The following IGFALS variants were observed in gnomAD, a reference collection of about 807,000 sequenced individuals.
The protein encoded by IGFALS is insulin like growth factor binding protein acid labile subunit.
In IGFALS, 2 loss-of-function variants were observed where a neutral mutation model predicts 2.6. The observed-to-expected ratio is 0.77, with a 90% CI of 0.32 to 2.44. The LOEUF (loss-of-function observed/expected upper bound fraction) is 2.44, where lower values mean the gene tolerates loss of function less well. Ranked by LOEUF, IGFALS falls within the 30% of genes most tolerant of loss-of-function variation. The pLI, the probability that IGFALS is intolerant of heterozygous loss-of-function variation, is 0.11. For missense variants in IGFALS, 996 were observed against 848.7 expected (o/e 1.17, Z -2.16); for synonymous variants, 519 against 431.9 (o/e 1.20, Z -2.50).
At chr16:1,793,478 G>A (rs368463517) in intron 1 of IGFALS, among the ~76,000 whole-genome samples, 159 bp downstream of exon 1, 31 of 152,194 alleles carry the variant, frequency 2.0e-4, no homozygotes, top group African/African-American at 7.0e-4. Context: ...AACCCCAGCA[G>A]CCGCATTTCC....
chr16:1,792,420 G>T lies in IGFALS; in HGVS notation c.17-19C>A. The stretch of plus-strand genomic sequence containing the variant: ...AGGCCTCCTGCGGGGGGAGAGGCTT[G>T]GGGAGGCGGCCCGAGGAGGGCTCTG... On this transcript the variant is annotated intron_variant, in intron 1 of 1. Coordinates refer to ENST00000215539, the MANE Select transcript of IGFALS (RefSeq NM_004970.3). 1 of 1,534,674 alleles carries T rather than the reference G, an allele frequency of 6.5e-7. No homozygotes were observed. The highest frequency in any genetic ancestry group is 2.3e-5 in the East Asian group (1 of 43,880).
Position 1,790,518 on chromosome 16 carries a change from CCT to C in IGFALS, c.*80_*81del. 8.2e-7 allele frequency: 1 copy of C among 1,226,614 alleles called. No homozygotes were observed. The highest frequency in any genetic ancestry group is 1.5e-5 in the African/African-American group (1 of 66,790). 76.0% of individuals were successfully genotyped at this position (1,226,614 alleles called of 1,614,324 possible). On this transcript the variant is annotated 3_prime_UTR_variant, in exon 2 of 2. Transcript: ENST00000215539. ...TTCCAGCAAGTGCACTGGGCAGGCC[CCT>C]GAGGACACTGAGGACCTGTCCCCAG...
chr16:1,793,392 G>C (rs1897273722), intron 1 of IGFALS, among the ~76,000 whole-genome samples: 1 of 152,082 alleles, frequency 6.6e-6, no homozygotes, highest in Non-Finnish European at 1.5e-5. Context: ...CTCCTCCCCT[G>C]TGCCGCCGCC....
Position 1,790,502 on chromosome 16 carries a change from G to T in IGFALS, c.*98C>A. The stretch of plus-strand genomic sequence containing the variant: ...ATCAGGCCCTTGCGTCTTCCAGCAA[G>T]TGCACTGGGCAGGCCCCTGAGGACA... On this transcript the variant is annotated 3_prime_UTR_variant, in exon 2 of 2. Coordinates refer to ENST00000215539, the MANE Select transcript of IGFALS (RefSeq NM_004970.3). 9.4e-7 allele frequency: 1 copy of T among 1,061,584 alleles called. No homozygotes were observed. The highest frequency in any genetic ancestry group is 1.4e-6 in the Non-Finnish European group (1 of 710,998). 65.8% of individuals were successfully genotyped at this position (1,061,584 alleles called of 1,614,324 possible). A position where few individuals can be genotyped will look rare whatever the true frequency, so the allele number is the denominator to read the frequency against.
At position 1,790,910 on chromosome 16, in the gene IGFALS, GC is replaced by G; in HGVS notation, c.1507del (p.Ala503HisfsTer166). The G allele has an allele frequency of 6.3e-7, 1 of 1,585,824 alleles. No homozygotes were observed. The highest frequency in any genetic ancestry group is 1.1e-5 in the South Asian group (1 of 88,766). On this transcript the variant is annotated frameshift_variant, in exon 2 of 2. Coordinates refer to ENST00000215539, the MANE Select transcript of IGFALS (RefSeq NM_004970.3). LOFTEE classifies it low-confidence loss of function (END_TRUNC). ...GAGGTAGCGCAGCCGCCCCAGTGGT[GC>G]CAAGAGGCTGTTGGGCAATGCCTCC... Reference protein sequence around the residue: ...RLEALPNSLLAPLGRLRYLSL... With the variant: ...RLEALPNSLLXPLGRLRYLSL...
rs1016376922 is a variant in IGFALS, at chr16:1,790,414, T to TA, written c.*185dup. ...GTTCGCAGTCACCCACTGTGCCTGTTAGATTCGATTGCCTTTGCCTTTAAT... is the reference window on the plus strand; with the variant it reads ...GTTCGCAGTCACCCACTGTGCCTGTTAAGATTCGATTGCCTTTGCCTTTAAT... On this transcript the variant is annotated 3_prime_UTR_variant, in exon 2 of 2. Transcript: ENST00000215539. 1.5e-5 allele frequency: 10 copies of TA among 656,534 alleles called. No homozygotes were observed. The highest frequency in any genetic ancestry group is 1.2e-4 in the African/African-American group (7 of 56,288). 40.7% of individuals were successfully genotyped at this position (656,534 alleles called of 1,614,324 possible). A position where few individuals can be genotyped will look rare whatever the true frequency, so the allele number is the denominator to read the frequency against.
chr16:1,790,755 G>GGT lies in IGFALS; in HGVS notation c.1661_1662dup (p.Pro555ThrfsTer115). ...TGGACGAAGCGGGGCACAGCACTGG[G>GGT]GTTCTGCAGGGCGAAGTCCCGCAGC... On this transcript the variant is annotated frameshift_variant, in exon 2 of 2. Coordinates refer to ENST00000215539, the MANE Select transcript of IGFALS (RefSeq NM_004970.3). LOFTEE classifies it low-confidence loss of function (END_TRUNC). 2 of 1,599,860 alleles carry GGT rather than the reference G, an allele frequency of 1.3e-6. No homozygotes were observed. Among genetic ancestry groups the GGT allele is most frequent in the Non-Finnish European group, 1.7e-6 (2 of 1,174,442 alleles).
intron 1 of IGFALS, among the ~76,000 whole-genome samples, chr16:1,792,972 G>C (rs28469124): frequency 0.097 from 14,701 of 152,218 alleles, 873 homozygotes; most frequent in South Asian, 0.24. Flanking sequence ...CACCGCCGTC[G>C]GGGGACAGGT....
In IGFALS at chr16:1,790,673, G is replaced by C. The variant is rs371342705; in HGVS notation, c.1745C>G (p.Thr582Ser). 4 of 1,605,338 alleles carry C rather than the reference G, an allele frequency of 2.5e-6. No homozygotes were observed. The highest frequency in any genetic ancestry group is 2.2e-5 in the South Asian group (2 of 89,558). ...QPPAYTYNNI[T>S]CASPPEVVGL... ...CACGACCTCGGGCGGGCTGGCACAG[G>C]TGATGTTGTTGTAGGTGTACGCGGG... The change falls in exon 2 of 2, where the codon ACC becomes AGC. Residue 582 changes from threonine (T) to serine (S), a missense_variant. By Grantham distance (58) the Thr-to-Ser change is moderately conservative (BLOSUM62 1). Coordinates refer to ENST00000215539, the MANE Select transcript of IGFALS (RefSeq NM_004970.3).
rs1897214439 is a variant in IGFALS at position 1,791,144 on chromosome 16, A to T, written c.1274T>A (p.Ile425Asn). ...CAGCCCCCACAGGCTCTGCTCCTCA[A>T]TGCCCACGAGGCCGTTGTCCTTGAG... ...LFLKDNGLVG[I>N]EEQSLWGLAE... is the part of the protein sequence containing the mutation. The change falls in exon 2 of 2, where the codon ATT becomes AAT. Residue 425 changes from isoleucine to asparagine, a missense_variant. By Grantham distance (149) the Ile-to-Asn change is moderately radical (BLOSUM62 -3). Transcript: ENST00000215539. 6.2e-7 allele frequency: 1 copy of T among 1,605,804 alleles called. No homozygotes were observed. The highest frequency in any genetic ancestry group is 8.5e-7 in the Non-Finnish European group (1 of 1,179,814).
rs3751893 is a variant in IGFALS, at chr16:1,792,208, A to C, written c.210T>G (p.Asp70Glu). Residue 70 changes from aspartate (D) to glutamate (E), a missense_variant, in exon 2 of 2, where the codon GAT (aspartate) becomes GAG (glutamate). Transcript: ENST00000215539. ...CSSRNLTRLP[D>E]GVPGGTQALW... is the part of the protein sequence containing the mutation. ...GGGCTTGGGTGCCGCCCGGGACTCC[A>C]TCAGGCAGGCGCGTGAGGTTCCTGG... The C allele has an allele frequency of 2.5e-6, 4 of 1,608,914 alleles. No individual in the cohort carries two copies. Among genetic ancestry groups the C allele is most frequent in the Non-Finnish European group, 3.4e-6 (4 of 1,179,494 alleles).
chr16:1,793,871 C>A (rs971136038), upstream of IGFALS: 1 of 433,208 alleles, frequency 2.3e-6, no homozygotes, highest in Non-Finnish European at 4.1e-6. Context: ...GAGGGAGCTT[C>A]AGTCGGGGCC....
rs1257319224 is a variant in IGFALS, at chr16:1,791,045, C to T, written c.1373G>A (p.Gly458Asp). The change falls in exon 2 of 2, where the codon GGC becomes GAC. Residue 458 changes from glycine (G) to aspartate (D), a missense_variant. Physicochemically the swap from Gly to Asp is moderately conservative, Grantham distance 94. Coordinates refer to ENST00000215539, the MANE Select transcript of IGFALS (RefSeq NM_004970.3). ...GGAGAGCAGCAGGTACTCCAGCTTGCCCAGGCCCTGGAAGAGGCGGTGGGG... is the reference window on the plus strand; with the variant it reads ...GGAGAGCAGCAGGTACTCCAGCTTGTCCAGGCCCTGGAAGAGGCGGTGGGG... ...HLPHRLFQGL[G>D]KLEYLLLSRN... The T allele has an allele frequency of 6.3e-7, 1 of 1,598,536 alleles. No homozygotes were observed. The highest frequency in any genetic ancestry group is 8.5e-7 in the Non-Finnish European group (1 of 1,179,804).
Position 1,793,558 on chromosome 16 carries a change from C to T in IGFALS, c.16+79G>A, listed in dbSNP as rs1279549753. On this transcript the variant is annotated intron_variant, in intron 1 of 1. Coordinates refer to ENST00000215539, the MANE Select transcript of IGFALS (RefSeq NM_004970.3). ...CCCCCCAGAGCTTCCTTGGGGGCTA[C>T]CCCGGCCTCTCCCCAGCGGGCTCAG... The T allele has an allele frequency of 4.2e-6, 6 of 1,431,376 alleles. No individual in the cohort carries two copies. In the Admixed American group the frequency reaches 9.9e-5, roughly 24 times the overall value. 88.7% of individuals were successfully genotyped at this position (1,431,376 alleles called of 1,614,324 possible).
intron 1 of IGFALS, 44 bp from the exon 2 acceptor site, chr16:1,792,445 G>A (rs760266116): frequency 1.3e-6 from 2 of 1,497,970 alleles, no homozygotes; most frequent in Admixed American, 4.4e-5. Flanking sequence ...GGAGGGCTCT[G>A]CCCGAGTGAG....
At chr16:1,794,501 T>C (rs1897292385), upstream of IGFALS, among the ~76,000 whole-genome samples, 1 of 152,098 alleles carries the variant, frequency 6.6e-6, no homozygotes, top group South Asian at 2.1e-4. Context: ...TCACCGCTTG[T>C]GTGCAGAGAG....
chr16:1,793,219 C>A (rs1897271209), intron 1 of IGFALS, among the ~76,000 whole-genome samples: 1 of 152,186 alleles, frequency 6.6e-6, no homozygotes, highest in East Asian at 1.9e-4. Flanking sequence ...AGCTCTGGAG[C>A]TCAGCTCAGG....
chr16:1,793,800 C>A (rs1157223998), upstream of IGFALS: 3 of 713,654 alleles, frequency 4.2e-6, no homozygotes, highest in East Asian at 2.9e-5. Context: ...CTCTGTTAAC[C>A]CCCTCGTGCC....
At chr16:1,793,493 G>C (rs3817899) in intron 1 of IGFALS, 144 bp downstream of exon 1, 89,444 of 671,904 alleles carry the variant, frequency 0.13, 10,178 homozygotes, top group African/African-American at 0.45. Context: ...ATTTCCGACT[G>C]TGGGCTCCCC....
Sources: gnomAD v4.1 joint callset for allele counts (sites outside exome capture counted in the v4.1 genomes callset) on GRCh38, gnomAD v4.1.1 for gene constraint, MANE v1.5 for transcripts, NCBI Gene and HGNC (gene_info 2026-07-23, HGNC 2026-07-21) for gene names.